The following ARMH4 variants were observed in gnomAD, a reference collection of about 807,000 sequenced individuals.
ARMH4 encodes armadillo-like helical domain-containing protein 4.
ARMH4 carries 49 observed loss-of-function variants against 61.9 expected under a neutral mutation model. The ratio of observed to expected loss-of-function variants is 0.79; its 90% CI spans 0.63 to 1.00. ARMH4 has a LOEUF of 1.00. Among genes scored for constraint, ARMH4 ranks in the 50% least tolerant of loss-of-function variants. ARMH4 has a pLI of 0.00. For missense variants in ARMH4, 934 were observed against 930.0 expected (o/e 1.00, Z -0.06); for synonymous variants, 368 against 341.5 (o/e 1.08, Z -0.85).
chr14:58,138,733 T>C lies in ARMH4; in HGVS notation c.626A>G (p.Tyr209Cys), dbSNP rs144333576. Residue 209 changes from tyrosine to cysteine, a missense_variant, in exon 2 of 8, where the codon TAT (tyrosine) becomes TGT (cysteine). Transcript: ENST00000267485. Reference sequence around the variant, plus strand: ...GGTTAGCATTTCCTTAGTATTCACATAGGATGAAGGTGAATGTCCCAAACC... The same window carrying C: ...GGTTAGCATTTCCTTAGTATTCACACAGGATGAAGGTGAATGTCCCAAACC... ...GVGLGHSPSS[Y>C]VNTKEMLTTN... 1.9e-5 allele frequency: 30 copies of C among 1,614,184 alleles called. No homozygotes were observed. Among genetic ancestry groups the C allele is most frequent in the East Asian group, 2.2e-5 (1 of 44,880 alleles).
rs1161970033 is a variant in ARMH4 at position 58,004,694 on chromosome 14, ATAG to A, written c.*39_*41del. 8.2e-6 allele frequency: 12 copies of A among 1,460,704 alleles called. No individual in the cohort carries two copies. Among genetic ancestry groups the A allele is most frequent in the African/African-American group, 1.4e-5 (1 of 70,324 alleles). 90.5% of individuals were successfully genotyped at this position (1,460,704 alleles called of 1,614,324 possible). ...TTTCTGCTCCAAAATAAAAATTAGA[ATAG>A]TAGCATCGTTGAATATCCCAATTAA... On this transcript the variant is annotated 3_prime_UTR_variant, in exon 8 of 8. Transcript: ENST00000267485.
chr14:58,006,123 A>C (rs11158190), intron 6 of ARMH4, among the ~76,000 whole-genome samples: 37,721 of 151,930 alleles, frequency 0.25, 5,129 homozygotes, highest in East Asian at 0.56. Context: ...AAGCTCAGGG[A>C]AAGGCCATTG....
chr14:58,144,885 A>C (rs1015578960), intron 1 of ARMH4, among the ~76,000 whole-genome samples: 70 of 152,128 alleles, frequency 4.6e-4, no homozygotes, highest in African/African-American at 1.6e-3. Context: ...AACAAACAAA[A>C]AAAATATGAT....
rs550624726 is a variant in ARMH4 at position 58,078,387 on chromosome 14, T to C, written c.2089+18337A>G. ...AATGCATTCCTCTGGCTGTAACCTG[T>C]ACAATCATGTACTGTCTCTGAGGTG... On this transcript the variant is annotated intron_variant, in intron 5 of 7. Transcript: ENST00000267485. 2.0e-4 allele frequency among the ~76,000 whole-genome samples: 31 copies of C among 152,360 alleles called. No individual in the cohort carries two copies. The East Asian group carries it at 5.8e-3, about 28-fold the overall frequency.
chr14:58,043,297 A>AATAT, intron 5 of ARMH4, among the ~76,000 whole-genome samples: 4 of 152,086 alleles, frequency 2.6e-5, no homozygotes, highest in East Asian at 1.9e-4. Context: ...AGGCTGGTTC[A>AATAT]ACAGATGCAA....
In ARMH4 at chr14:58,138,244, C is replaced by T; in HGVS notation, c.1115G>A (p.Gly372Glu). 4 of 1,614,226 alleles carry T rather than the reference C, an allele frequency of 2.5e-6. No homozygotes were observed. The highest frequency in any genetic ancestry group is 3.4e-6 in the Non-Finnish European group (4 of 1,180,044). The change falls in exon 2 of 8, where the codon GGG becomes GAG. Residue 372 changes from glycine (G) to glutamate (E), a missense_variant. Transcript: ENST00000267485. ...CAGGGCTGTGCCCGTGTGTGTTTCC[C>T]CTTCAGGCAGCCCCAGAGCCACCTG... is the stretch of plus-strand genomic sequence containing the variant. The part of the protein sequence containing the change: ...AAQVALGLPE[G>E]ETHTGTALLI...
chr14:58,031,489 CA>C, intron 5 of ARMH4, among the ~76,000 whole-genome samples: 1 of 152,164 alleles, frequency 6.6e-6, no homozygotes, highest in Non-Finnish European at 1.5e-5. Context: ...ATTAACACTG[CA>C]GCAAGTTACA....
intron 4 of ARMH4, among the ~76,000 whole-genome samples, chr14:58,120,007 T>C (rs1886669997): frequency 6.6e-6 from 1 of 152,162 alleles, no homozygotes; most frequent in Non-Finnish European, 1.5e-5. Context: ...GGATACATTC[T>C]GAGAAATGTG....
At chr14:58,132,674 C>A (rs572232339) in intron 3 of ARMH4, among the ~76,000 whole-genome samples, 2 of 148,820 alleles carry the variant, frequency 1.3e-5, no homozygotes, top group African/African-American at 2.4e-5. Flanking sequence ...CAAGCTCCGC[C>A]CCCCGGGTTC....
At chr14:58,131,122 G>A (rs1280234142) in intron 4 of ARMH4, 1 of 181,090 alleles carries the variant, frequency 5.5e-6, no homozygotes, top group Admixed American at 5.6e-5. Flanking sequence ...TTCAGGCTTT[G>A]TGGGCCACTG....
intron 2 of ARMH4, among the ~76,000 whole-genome samples, chr14:58,137,122 GT>G (rs1465322085): frequency 1.3e-5 from 2 of 152,080 alleles, no homozygotes; most frequent in Non-Finnish European, 2.9e-5. Context: ...ATAGTAAAAT[GT>G]TTGAAAAATA....
intron 4 of ARMH4, among the ~76,000 whole-genome samples, chr14:58,103,331 T>C (rs1341355995): frequency 6.6e-6 from 1 of 151,952 alleles, no homozygotes; most frequent in Non-Finnish European, 1.5e-5. Flanking sequence ...AAATTCATGT[T>C]TGGAAATTAA....
At chr14:58,130,608 A>G (rs1887061024) in intron 4 of ARMH4, among the ~76,000 whole-genome samples, 1 of 141,578 alleles carries the variant, frequency 7.1e-6, no homozygotes, top group Non-Finnish European at 1.6e-5. Context: ...TCATATTTCT[A>G]GTCTTCTTAT....
chr14:58,078,525 C>A (rs1030873948), intron 5 of ARMH4, among the ~76,000 whole-genome samples: 3 of 152,222 alleles, frequency 2.0e-5, no homozygotes, highest in African/African-American at 7.2e-5. Flanking sequence ...TCACTCTTTC[C>A]TTGTTGGGAA....
intron 5 of ARMH4, among the ~76,000 whole-genome samples, chr14:58,043,679 T>A (rs1411318942): frequency 1.1e-4 from 17 of 152,272 alleles, no homozygotes; most frequent in Non-Finnish European, 2.4e-4. Flanking sequence ...CTGTTTGCAG[T>A]TGACATGATT....
At position 58,015,413 on chromosome 14, in the gene ARMH4, C is replaced by T. The variant is rs79046625; in HGVS notation, c.2090-3263G>A. Among the ~76,000 whole-genome samples, 1,360 of 152,234 alleles carry T rather than the reference C, an allele frequency of 8.9e-3. 57 individuals are homozygous for T. Among genetic ancestry groups the T allele is most frequent in the East Asian group, 0.077 (398 of 5,174 alleles). On this transcript the variant is annotated intron_variant, in intron 5 of 7. Transcript: ENST00000267485. The stretch of plus-strand genomic sequence containing the variant: ...AGGTTGAGGAAACACTATTCTTAGA[C>T]TGTGAGCTTGATGACATTTCCCCAT...
chr14:58,085,117 T>G (rs967798108), intron 5 of ARMH4, among the ~76,000 whole-genome samples: 8 of 152,174 alleles, frequency 5.3e-5, no homozygotes, highest in African/African-American at 1.9e-4. Context: ...ACTCCAAATA[T>G]TCCAGATTCT....
chr14:58,054,391 G>A (rs1475883414), intron 5 of ARMH4, among the ~76,000 whole-genome samples: 2 of 152,208 alleles, frequency 1.3e-5, no homozygotes, highest in Non-Finnish European at 2.9e-5. Context: ...AAGTCATACT[G>A]AATAGGCAGT....
At chr14:58,046,408 G>C (rs528617806) in intron 5 of ARMH4, among the ~76,000 whole-genome samples, 1 of 152,078 alleles carries the variant, frequency 6.6e-6, no homozygotes, top group South Asian at 2.1e-4. Flanking sequence ...TTTCTTCCAA[G>C]AACACTTACA....
Sources: gnomAD v4.1 joint callset for allele counts (sites outside exome capture counted in the v4.1 genomes callset) on GRCh38, gnomAD v4.1.1 for gene constraint, MANE v1.5 for transcripts, NCBI Gene and HGNC (gene_info 2026-07-23, HGNC 2026-07-21) for gene names.